The following MAP3K20 variants were observed in gnomAD, a reference collection of about 807,000 sequenced individuals.
MAP3K20 encodes the protein mitogen-activated protein kinase kinase kinase 20.
MAP3K20 carries 40 observed loss-of-function variants against 85.7 expected under a neutral mutation model. The ratio of observed to expected loss-of-function variants is 0.47; its 90% CI spans 0.36 to 0.61. MAP3K20 has a LOEUF of 0.61. MAP3K20 is among the 20% of genes least tolerant of loss of function. The pLI, the probability that MAP3K20 is intolerant of heterozygous loss-of-function variation, is 0.00. For synonymous variants in MAP3K20, 325 were observed against 327.7 expected (o/e 0.99, Z 0.09); for missense variants, 817 against 961.7 (o/e 0.85, Z 1.99).
chr2:173,104,253 A>T (rs563577385), intron 2 of MAP3K20, among the ~76,000 whole-genome samples: 79 of 152,326 alleles, frequency 5.2e-4, no homozygotes, highest in Non-Finnish European at 1.0e-4. Context: ...TGTATCCCAC[A>T]TATGATTTGG....
chr2:173,170,333 T>A (rs772400050), intron 3 of MAP3K20, among the ~76,000 whole-genome samples: 10 of 152,200 alleles, frequency 6.6e-5, no homozygotes, highest in Non-Finnish European at 1.3e-4. Context: ...GAACAATATT[T>A]TTCAGGTTTG....
chr2:173,202,628 T>C (rs1691108336), intron 8 of MAP3K20, among the ~76,000 whole-genome samples: 1 of 152,124 alleles, frequency 6.6e-6, no homozygotes, highest in African/African-American at 2.4e-5. Context: ...CTAACTGTAA[T>C]ATAAAAGAGA....
chr2:173,199,813 A>C (rs73033228), intron 8 of MAP3K20, among the ~76,000 whole-genome samples: 17,889 of 152,090 alleles, frequency 0.12, 1,436 homozygotes, highest in African/African-American at 0.22. Flanking sequence ...AAAACATTGG[A>C]GTATCCGTGA....
At chr2:173,084,917 C>G (rs1687106123) in intron 1 of MAP3K20, among the ~76,000 whole-genome samples, 1 of 152,194 alleles carries the variant, frequency 6.6e-6, no homozygotes, top group Non-Finnish European at 1.5e-5. Flanking sequence ...AATAACAGAT[C>G]TGCTCATAGA....
At chr2:173,144,994 C>A (rs1689096625) in intron 2 of MAP3K20, among the ~76,000 whole-genome samples, 1 of 151,984 alleles carries the variant, frequency 6.6e-6, no homozygotes, top group Admixed American at 6.5e-5. Flanking sequence ...AAAGAAAAAT[C>A]TTTTTAATAA....
chr2:173,241,080 G>T (rs971443598), intron 16 of MAP3K20, among the ~76,000 whole-genome samples: 1 of 152,162 alleles, frequency 6.6e-6, no homozygotes, highest in Non-Finnish European at 1.5e-5. Context: ...ATTACCAGAG[G>T]CTTGGAAGCA....
chr2:173,152,546 T>C (rs753129622), intron 2 of MAP3K20, among the ~76,000 whole-genome samples: 39 of 152,316 alleles, frequency 2.6e-4, no homozygotes, highest in Non-Finnish European at 4.4e-4. Flanking sequence ...TTACCACTTA[T>C]CGAATGCTCT....
At position 173,266,517 on chromosome 2, in the gene MAP3K20, C is replaced by T. The variant is rs1452983288; in HGVS notation, c.2170C>T (p.Pro724Ser). Reference protein sequence around the residue: ...FYRVSQSALNPHQSPDFKRSP... With the variant: ...FYRVSQSALNSHQSPDFKRSP... ...CAGGGTTTCTCAGTCAGCACTCAAT[C>T]CTCACCAGTCGCCTGACTTCAAGAG... is the stretch of plus-strand genomic sequence containing the variant. The change falls in exon 20 of 20, where the codon CCT (proline) becomes TCT (serine). Residue 724 changes from proline to serine, a missense_variant. Transcript: ENST00000375213. The T allele has an allele frequency of 5.6e-6, 9 of 1,613,892 alleles. No homozygotes were observed. Among genetic ancestry groups the T allele is most frequent in the Non-Finnish European group, 6.8e-6 (8 of 1,179,990 alleles).
At chr2:173,263,261 C>G (rs1345580503) in intron 18 of MAP3K20, among the ~76,000 whole-genome samples, 1 of 152,174 alleles carries the variant, frequency 6.6e-6, no homozygotes, top group Admixed American at 6.5e-5. Context: ...TTCACCCCAC[C>G]ACCTTCACTC....
At chr2:173,254,361 G>C (rs529738636) in intron 16 of MAP3K20, among the ~76,000 whole-genome samples, 7 of 151,736 alleles carry the variant, frequency 4.6e-5, no homozygotes, top group Admixed American at 6.6e-5. Flanking sequence ...GTGAACCTAG[G>C]GGGTGGAGCT....
At chr2:173,191,866 G>A (rs905118545) in intron 7 of MAP3K20, among the ~76,000 whole-genome samples, 2 of 152,186 alleles carry the variant, frequency 1.3e-5, no homozygotes, top group East Asian at 1.9e-4. Flanking sequence ...AGCTCCTGGA[G>A]GAGGAATTTG....
Position 173,267,666 on chromosome 2 carries a change from G to GC in MAP3K20, c.*916_*917insC, listed in dbSNP as rs2106362514. On this transcript the variant is annotated 3_prime_UTR_variant, in exon 20 of 20. Transcript: ENST00000375213. The stretch of plus-strand genomic sequence containing the variant: ...CTAAATTTCACCAAAGGAGCAAAGA[G>GC]GATAAAACAACACTCCATAAAGGCC... 6.6e-6 allele frequency: 1 copy of GC among 152,210 alleles called. No homozygotes were observed. Among genetic ancestry groups the GC allele is most frequent in the African/African-American group, 2.4e-5 (1 of 41,506 alleles). The allele number at this position is 152,210 out of a possible 1,614,324, so 9.4% of individuals were successfully genotyped here.
chr2:173,158,435 A>C (rs916798771), intron 2 of MAP3K20, among the ~76,000 whole-genome samples: 1 of 152,218 alleles, frequency 6.6e-6, no homozygotes. Flanking sequence ...TGAGAAAATC[A>C]AATCAAAGAC....
chr2:173,144,624 GGAGTTCAAA>G (rs1163771603), intron 2 of MAP3K20, among the ~76,000 whole-genome samples: 1 of 152,102 alleles, frequency 6.6e-6, no homozygotes, highest in Non-Finnish European at 1.5e-5. Context: ...ATTGAGCCTG[GGAGTTCAAA>G]GCTACAGTGA....
chr2:173,168,680 G>A (rs970513677), intron 2 of MAP3K20, among the ~76,000 whole-genome samples: 1 of 152,016 alleles, frequency 6.6e-6, no homozygotes, highest in African/African-American at 2.4e-5. Flanking sequence ...CTTACTGCCA[G>A]TAATATGCCT....
chr2:173,091,137 A>G lies in MAP3K20; in HGVS notation c.106A>G (p.Ile36Val). The change falls in exon 2 of 20, where the codon ATA (isoleucine) becomes GTA (valine). Residue 36 changes from isoleucine to valine, a missense_variant. Around this residue, in one of 4 missense-constraint regions of MAP3K20, gnomAD observed 200 missense variants for 302.7 expected, o/e 0.66. Coordinates refer to ENST00000375213, the MANE Select transcript of MAP3K20 (RefSeq NM_016653.3). ...TGGGAGTGTTTATCGAGCCAAATGG[A>G]TATCACAGGACAAGGAGGTGGCTGT... ...SFGSVYRAKW[I>V]SQDKEVAVKK... is the part of the protein sequence containing the mutation. 2 of 1,613,984 alleles carry G rather than the reference A, an allele frequency of 1.2e-6. No individual in the cohort carries two copies. Among genetic ancestry groups the G allele is most frequent in the African/African-American group, 2.7e-5 (2 of 74,984 alleles).
chr2:173,083,110 A>T (rs1304432271), intron 1 of MAP3K20, among the ~76,000 whole-genome samples: 4 of 152,202 alleles, frequency 2.6e-5, no homozygotes, highest in Non-Finnish European at 4.4e-5. Flanking sequence ...CATTACTTTT[A>T]TATGGTAAAG....
At chr2:173,235,963 C>T (rs1022292750) in intron 14 of MAP3K20, among the ~76,000 whole-genome samples, 3 of 152,034 alleles carry the variant, frequency 2.0e-5, no homozygotes, top group South Asian at 2.1e-4. Flanking sequence ...AAGATAGAAT[C>T]GGTGGTCGAA....
chr2:173,140,148 A>G (rs1265291656), intron 2 of MAP3K20, among the ~76,000 whole-genome samples: 1 of 151,882 alleles, frequency 6.6e-6, no homozygotes, highest in South Asian at 2.1e-4. Context: ...AGTAGCTGGA[A>G]TTACAGGCGC....
Sources: gnomAD v4.1 joint callset for allele counts (sites outside exome capture counted in the v4.1 genomes callset) on GRCh38, gnomAD v4.1.1 for gene constraint, gnomAD v4.1.1 regional missense constraint, MANE v1.5 for transcripts, NCBI Gene and HGNC (gene_info 2026-07-23, HGNC 2026-07-21) for gene names.